SPAG16: variants seen among roughly 807,000 people sequenced by gnomAD.
SPAG16 encodes the protein sperm associated antigen 16.
Under a neutral mutation model 80.4 loss-of-function variants are expected in SPAG16, and 86 were observed. The ratio of observed to expected loss-of-function variants is 1.07; its 90% CI spans 0.90 to 1.28. The LOEUF (loss-of-function observed/expected upper bound fraction) is 1.28. Among genes scored for constraint, SPAG16 ranks in the 50% most tolerant of loss-of-function variants. The pLI, the probability that SPAG16 is intolerant of heterozygous loss-of-function variation, is 0.00. For synonymous variants in SPAG16, 294 were observed against 265.9 expected, an observed-to-expected ratio of 1.11 and a Z score of -1.03; for missense variants, 870 against 765.3, an observed-to-expected ratio of 1.14 and a Z score of -1.61.
At chr2:214,098,917 T>A (rs1354754206) in intron 13 of SPAG16, among the ~76,000 whole-genome samples, 3 of 152,064 alleles carry the variant, frequency 2.0e-5, no homozygotes, top group Admixed American at 6.6e-5. Flanking sequence ...ATGAGACTTT[T>A]TTTTTGCCAG....
chr2:213,486,442 G>A (rs80012031), intron 9 of SPAG16, among the ~76,000 whole-genome samples: 1 of 151,956 alleles, frequency 6.6e-6, no homozygotes. Context: ...TGCCCATGAA[G>A]GGGTGAGTGA....
At chr2:213,963,557 T>A (rs2044562947) in intron 12 of SPAG16, among the ~76,000 whole-genome samples, 2 of 152,174 alleles carry the variant, frequency 1.3e-5, no homozygotes, top group African/African-American at 4.8e-5. Flanking sequence ...TAGTTTATAA[T>A]GTTGCTCAAG....
chr2:213,869,241 T>C (rs10188751), intron 11 of SPAG16, among the ~76,000 whole-genome samples: 1 of 124,834 alleles, frequency 8.0e-6, no homozygotes, highest in South Asian at 2.8e-4. Context: ...CAACAAGAGC[T>C]AAAGTCCATG....
chr2:213,639,129 G>A (rs572615397), intron 10 of SPAG16, among the ~76,000 whole-genome samples: 1 of 152,134 alleles, frequency 6.6e-6, no homozygotes, highest in East Asian at 1.9e-4. Context: ...GTTTATATGA[G>A]TCCTTATGTG....
At chr2:213,512,635 G>C (rs2075272692) in intron 10 of SPAG16, among the ~76,000 whole-genome samples, 1 of 152,114 alleles carries the variant, frequency 6.6e-6, no homozygotes, top group South Asian at 2.1e-4. Flanking sequence ...TAAACCAAGA[G>C]ATTAAGAGCC....
At chr2:213,347,968 C>T (rs891615851) in intron 6 of SPAG16, among the ~76,000 whole-genome samples, 1 of 152,072 alleles carries the variant, frequency 6.6e-6, no homozygotes, top group Non-Finnish European at 1.5e-5. Flanking sequence ...GTTGATCTGT[C>T]TAATGTTGAC....
At chr2:213,925,427 C>T (rs998319060) in intron 11 of SPAG16, among the ~76,000 whole-genome samples, 1 of 151,436 alleles carries the variant, frequency 6.6e-6, no homozygotes, top group African/African-American at 2.4e-5. Context: ...TCTTGGCTCA[C>T]TGCAACCTCT....
At chr2:213,768,451 C>G (rs536942429) in intron 10 of SPAG16, among the ~76,000 whole-genome samples, 4 of 152,090 alleles carry the variant, frequency 2.6e-5, no homozygotes, top group Non-Finnish European at 5.9e-5. Flanking sequence ...AGAGTTCTAA[C>G]TTAGACTAGT....
In SPAG16 at chr2:214,119,360, A is replaced by G. The variant is rs533708520; in HGVS notation, c.1593+11099A>G. 2.0e-3 allele frequency among the ~76,000 whole-genome samples: 297 copies of G among 152,294 alleles called. 5 individuals are homozygous for G. The highest frequency in any genetic ancestry group is 6.1e-3 in the African/African-American group (252 of 41,580). ...TAAGGAACTATAAAAGCTACTTATT[A>G]AGTCATTTTTATAAAGCAAAGCCAA... On this transcript the variant is annotated intron_variant, in intron 14 of 15. Coordinates refer to ENST00000331683, the MANE Select transcript of SPAG16 (RefSeq NM_024532.5).
intron 3 of SPAG16, among the ~76,000 whole-genome samples, chr2:213,309,352 GA>G (rs567156594): frequency 6.6e-6 from 1 of 152,066 alleles, no homozygotes; most frequent in Non-Finnish European, 1.5e-5. Flanking sequence ...TTGATAGACT[GA>G]CTGACTTCCA....
intron 5 of SPAG16, among the ~76,000 whole-genome samples, chr2:213,334,961 T>C (rs1251673826): frequency 6.6e-6 from 1 of 152,184 alleles, no homozygotes; most frequent in African/African-American, 2.4e-5. Context: ...ATTCGATTTT[T>C]TGTAACAGGA....
intron 10 of SPAG16, among the ~76,000 whole-genome samples, chr2:213,576,663 G>A (rs760732373): frequency 1.3e-5 from 2 of 152,190 alleles, no homozygotes; most frequent in Non-Finnish European, 2.9e-5. Context: ...ATGAGATCAT[G>A]TCCTTTGCAG....
Position 213,946,591 on chromosome 2 carries a change from C to T in SPAG16, c.1400+16446C>T, listed in dbSNP as rs531007677. On this transcript the variant is annotated intron_variant, in intron 12 of 15. Coordinates refer to ENST00000331683, the MANE Select transcript of SPAG16 (RefSeq NM_024532.5). ...AGAGTATCCTTCACCCAAATTTTCCCGGTGATAATATTTTACATAACCATT... is the reference window on the plus strand; with the variant it reads ...AGAGTATCCTTCACCCAAATTTTCCTGGTGATAATATTTTACATAACCATT... Among the ~76,000 whole-genome samples, 33 of 152,096 alleles carry T rather than the reference C, an allele frequency of 2.2e-4. 1 individual carries two copies. In the East Asian group the frequency reaches 5.4e-3, roughly 25 times the overall value.
intron 11 of SPAG16, among the ~76,000 whole-genome samples, chr2:213,913,862 C>T (rs1022041505): frequency 1.4e-4 from 22 of 152,002 alleles, no homozygotes; most frequent in African/African-American, 5.3e-4. Flanking sequence ...TCTGATTTTG[C>T]AGCTTAAATC....
chr2:213,929,828 A>G, intron 11 of SPAG16, 132 bp from the exon 12 acceptor site: 3 of 717,514 alleles, frequency 4.2e-6, no homozygotes, highest in Non-Finnish European at 6.7e-6. Flanking sequence ...ATATTTAGTC[A>G]TTTAGATATG....
intron 13 of SPAG16, among the ~76,000 whole-genome samples, chr2:214,023,566 A>G (rs2047991875): frequency 1.3e-5 from 2 of 151,868 alleles, no homozygotes; most frequent in African/African-American, 2.4e-5. Flanking sequence ...TTTAGGTAGA[A>G]AAGCATTTTA....
intron 13 of SPAG16, among the ~76,000 whole-genome samples, chr2:214,032,548 G>A (rs373906589): frequency 6.6e-6 from 1 of 152,164 alleles, no homozygotes; most frequent in African/African-American, 2.4e-5. Context: ...CAGCTTCTCG[G>A]AGGCTAGGAT....
intron 10 of SPAG16, among the ~76,000 whole-genome samples, chr2:213,536,367 T>G (rs541292947): frequency 6.6e-6 from 1 of 152,274 alleles, no homozygotes; most frequent in South Asian, 2.1e-4. Context: ...CTGGGTCAAA[T>G]GGTATTTCTA....
At chr2:213,321,812 T>C (rs1377350100) in intron 5 of SPAG16, among the ~76,000 whole-genome samples, 1 of 152,140 alleles carries the variant, frequency 6.6e-6, no homozygotes, top group African/African-American at 2.4e-5. Flanking sequence ...AATGATCTTA[T>C]TAAAAATTTA....
Sources: allele counts gnomAD v4.1 joint callset (sites outside exome capture counted in the v4.1 genomes callset), GRCh38; gene constraint gnomAD v4.1.1; transcripts MANE v1.5; gene names NCBI Gene and HGNC (gene_info 2026-07-23, HGNC 2026-07-21).